Variants in PDS5B observed in about 807,000 individuals in gnomAD.
PDS5B encodes the protein PDS5 cohesin associated factor B, also known as sister chromatid cohesion protein PDS5 homolog B.
PDS5B carries 51 observed loss-of-function variants against 184.1 expected under a neutral mutation model. The ratio of observed to expected loss-of-function variants is 0.28; its 90% confidence interval spans 0.22 to 0.35. PDS5B has a LOEUF of 0.35. Ranked by LOEUF, PDS5B falls within the 10% of genes least tolerant of loss-of-function variation. The pLI is 1.00. For synonymous variants in PDS5B, 566 were observed against 569.2 expected, an observed-to-expected ratio of 0.99 and a Z score of 0.08; for missense variants, 1,180 against 1,723.3, an observed-to-expected ratio of 0.68 and a Z score of 5.58.
At chr13:32,667,612 T>TA (rs1950836355) in intron 6 of PDS5B, 152 bp from the exon 7 acceptor site, 2 of 559,564 alleles carry the variant, frequency 3.6e-6, no homozygotes, top group Middle Eastern at 4.7e-4. Flanking sequence ...CAGTTAGTCC[T>TA]AAAAAAAGAA....
In PDS5B at chr13:32,744,818, A is replaced by G. The variant is rs1024358852; in HGVS notation, c.2613-1159A>G. 1.8e-4 allele frequency among the ~76,000 whole-genome samples: 27 copies of G among 152,196 alleles called. 1 individual carries two copies. The highest frequency in any genetic ancestry group is 4.8e-5 in the African/African-American group (2 of 41,450). ...GCTAGCATCCAGTCAATATTTTTAC[A>G]TGGCCAACTAGATTATTAAGTCTTG... On this transcript the variant is annotated intron_variant, in intron 23 of 34. Transcript: ENST00000315596.
chr13:32,635,138 A>G (rs1259285091), intron 1 of PDS5B, among the ~76,000 whole-genome samples: 1 of 132,090 alleles, frequency 7.6e-6, no homozygotes, highest in Admixed American at 8.2e-5. Flanking sequence ...AGCTAGGACT[A>G]CAGGCATGCA....
intron 1 of PDS5B, among the ~76,000 whole-genome samples, chr13:32,641,181 C>T (rs1012135327): frequency 2.1e-4 from 32 of 151,518 alleles, no homozygotes; most frequent in African/African-American, 7.3e-4. Context: ...TTTGTTTGCT[C>T]TACCTTAATA....
At chr13:32,588,631 C>T (rs960795882) in intron 1 of PDS5B, among the ~76,000 whole-genome samples, 10 of 152,034 alleles carry the variant, frequency 6.6e-5, no homozygotes, top group Middle Eastern at 3.4e-3. Context: ...GCTTTTGTTA[C>T]TCTTGTAGGC....
intron 30 of PDS5B, among the ~76,000 whole-genome samples, chr13:32,761,557 A>C (rs1052376921): frequency 2.0e-5 from 3 of 152,144 alleles, no homozygotes; most frequent in African/African-American, 7.2e-5. Context: ...TTTATAAGTG[A>C]GAACATGCAG....
intron 1 of PDS5B, among the ~76,000 whole-genome samples, chr13:32,629,761 C>A (rs2058426452): frequency 3.3e-5 from 5 of 151,866 alleles, no homozygotes; most frequent in Admixed American, 3.3e-4. Flanking sequence ...GCCATATAAC[C>A]ATGTAAGCAG....
At chr13:32,680,545 A>G (rs187219932) in intron 10 of PDS5B, among the ~76,000 whole-genome samples, 22 of 152,324 alleles carry the variant, frequency 1.4e-4, no homozygotes, top group African/African-American at 4.3e-4. Context: ...CCTTTTGGGT[A>G]TGGTATCCAT....
intron 20 of PDS5B, among the ~76,000 whole-genome samples, chr13:32,734,120 C>T (rs1455380180): frequency 6.6e-6 from 1 of 151,676 alleles, no homozygotes; most frequent in Non-Finnish European, 1.5e-5. Context: ...CTCCACCTTT[C>T]TTGTTCAAGT....
intron 1 of PDS5B, among the ~76,000 whole-genome samples, chr13:32,602,802 C>G (rs1248846355): frequency 6.6e-6 from 1 of 152,108 alleles, no homozygotes; most frequent in Non-Finnish European, 1.5e-5. Flanking sequence ...ACGGGTGTGA[C>G]ATGGTATTTC....
chr13:32,608,341 A>G (rs1593254929), intron 1 of PDS5B, among the ~76,000 whole-genome samples: 1 of 152,204 alleles, frequency 6.6e-6, no homozygotes, highest in Non-Finnish European at 1.5e-5. Context: ...TATGAGGTAG[A>G]GAGGAGACAG....
intron 16 of PDS5B, 158 bp from the exon 17 acceptor site, chr13:32,701,165 C>T: frequency 1.9e-6 from 1 of 535,466 alleles, no homozygotes. Flanking sequence ...TATGCTAAAT[C>T]CTTAATTCAG....
chr13:32,671,063 A>C (rs191141570), intron 7 of PDS5B, among the ~76,000 whole-genome samples: 3 of 152,314 alleles, frequency 2.0e-5, no homozygotes, highest in Non-Finnish European at 2.9e-5. Flanking sequence ...ATCTACCTCC[A>C]CTAAATTTTC....
chr13:32,726,423 G>GT (rs1161678050), intron 19 of PDS5B, among the ~76,000 whole-genome samples: 1 of 152,112 alleles, frequency 6.6e-6, no homozygotes, highest in East Asian at 1.9e-4. Context: ...CGCCTTTTGT[G>GT]TTTTTTGACA....
intron 7 of PDS5B, among the ~76,000 whole-genome samples, chr13:32,670,775 T>C (rs1318501324): frequency 1.3e-5 from 2 of 152,220 alleles, no homozygotes; most frequent in Non-Finnish European, 2.9e-5. Context: ...ATCCAATCCT[T>C]GTTGGAATAG....
Position 32,705,705 on chromosome 13 carries a change from G to A in PDS5B, c.1857-1229G>A, listed in dbSNP as rs117055452. Among the ~76,000 whole-genome samples the A allele has an allele frequency of 9.6e-3, 1,452 of 151,966 alleles. 34 individuals are homozygous for A. Among genetic ancestry groups the A allele is most frequent in the Admixed American group, 0.049 (743 of 15,260 alleles). Reference sequence around the variant, plus strand: ...TGTTTATTTATATTTTTAGAGATAGGGTCTCACTCTGCCACCCAGGCTGGA... The same window carrying A: ...TGTTTATTTATATTTTTAGAGATAGAGTCTCACTCTGCCACCCAGGCTGGA... On this transcript the variant is annotated intron_variant, in intron 17 of 34. Coordinates refer to ENST00000315596, the MANE Select transcript of PDS5B (RefSeq NM_015032.4).
At chr13:32,747,605 A>T (rs1452984571) in intron 24 of PDS5B, among the ~76,000 whole-genome samples, 1 of 151,254 alleles carries the variant, frequency 6.6e-6, no homozygotes, top group Non-Finnish European at 1.5e-5. Flanking sequence ...AAAAAAAAAA[A>T]TTTGGGGGGA....
rs202027997 is a variant in PDS5B at position 32,770,239 on chromosome 13, G to A, written c.3743G>A (p.Arg1248Gln). The A allele has an allele frequency of 1.4e-5, 22 of 1,613,984 alleles. No homozygotes were observed. Among genetic ancestry groups the A allele is most frequent in the Non-Finnish European group, 1.6e-5 (19 of 1,180,012 alleles). Residue 1248 changes from arginine to glutamine, a missense_variant, in exon 32 of 35, where the codon CGA becomes CAA. Physicochemically the swap from Arg to Gln is conservative, Grantham distance 43. Around this residue, in one of 11 missense-constraint regions of PDS5B, gnomAD observed 465 missense variants for 497.8 expected, o/e 0.93. Transcript: ENST00000315596. ...VQEQKPKGSQ[R>Q]SRKRGHTASE... ...GAACAGAAACCTAAAGGCAGTCAGC[G>A]AAGTCGGAAAAGAGGCCATACGGCT...
chr13:32,591,817 T>C (rs2057779804), intron 1 of PDS5B, among the ~76,000 whole-genome samples: 1 of 152,200 alleles, frequency 6.6e-6, no homozygotes, highest in African/African-American at 2.4e-5. Flanking sequence ...CCCCACCACC[T>C]ACCTTCACCC....
At chr13:32,740,377 G>A (rs1953495946) in intron 21 of PDS5B, among the ~76,000 whole-genome samples, 1 of 152,148 alleles carries the variant, frequency 6.6e-6, no homozygotes, top group Non-Finnish European at 1.5e-5. Flanking sequence ...CTCAATGGAA[G>A]AAATGAGTTA....
Sources: allele counts gnomAD v4.1 joint callset (sites outside exome capture counted in the v4.1 genomes callset), GRCh38; gene constraint gnomAD v4.1.1; regional missense constraint gnomAD v4.1.1; transcripts MANE v1.5; gene names NCBI Gene and HGNC (gene_info 2026-07-23, HGNC 2026-07-21).